Variants in TRAF4 observed in about 807,000 individuals in gnomAD.
The protein encoded by TRAF4 is TNF receptor associated factor 4.
Under a neutral mutation model 47.3 loss-of-function variants are expected in TRAF4, and 9 were observed. The ratio of observed to expected loss-of-function variants is 0.19; its 90% CI spans 0.11 to 0.33. The LOEUF is 0.33. Ranked by LOEUF, TRAF4 falls within the 10% of genes least tolerant of loss-of-function variation. TRAF4 has a pLI of 1.00. For missense variants in TRAF4, 448 were observed against 620.3 expected, an observed-to-expected ratio of 0.72 and a Z score of 2.95; for synonymous variants, 236 against 236.9, an observed-to-expected ratio of 1.00 and a Z score of 0.04.
chr17:28,744,974 T>C (rs1174887671), intron 1 of TRAF4: 1 of 152,348 alleles, frequency 6.6e-6, no homozygotes, highest in African/African-American at 2.4e-5. Context: ...CCTTGGCTCT[T>C]GGGCATCCAT....
chr17:28,748,559 T>C lies in TRAF4; in HGVS notation c.673T>C (p.Cys225Arg). 1.9e-6 allele frequency: 3 copies of C among 1,613,522 alleles called. No individual in the cohort carries two copies. Among genetic ancestry groups the C allele is most frequent in the Non-Finnish European group, 2.5e-6 (3 of 1,179,950 alleles). The stretch of plus-strand genomic sequence containing the variant: ...GCTGCCTGTTGCCTGCCCCAACCAA[T>C]GTGGTGTGGGCACTGTGGCTCGGGA... The part of the protein sequence containing the change: ...PRLPVACPNQ[C>R]GVGTVAREDL... Residue 225 changes from cysteine to arginine, a missense_variant, in exon 6 of 7, where the codon TGT becomes CGT. By Grantham distance (180) the Cys-to-Arg change is radical. Coordinates refer to ENST00000262395, the MANE Select transcript of TRAF4 (RefSeq NM_004295.4).
At position 28,747,596 on chromosome 17, in the gene TRAF4, A is replaced by G. The variant is rs551710746; in HGVS notation, c.196-247A>G. 5.3e-5 allele frequency: 31 copies of G among 585,586 alleles called. No homozygotes were observed. In the East Asian group the frequency reaches 7.3e-4, roughly 14 times the overall value. 36.3% of individuals were successfully genotyped at this position (585,586 alleles called of 1,614,324 possible). ...GGAAAGGAAGCAGAGCCCCAGGGAC[A>G]GCCTGGGATTGAGCAGGCTGATTGG... On this transcript the variant is annotated intron_variant, in intron 2 of 6. Coordinates refer to ENST00000262395, the MANE Select transcript of TRAF4 (RefSeq NM_004295.4).
chr17:28,744,359 G>C (rs1261832981), intron 1 of TRAF4, 104 bp downstream of exon 1: 1 of 1,339,810 alleles, frequency 7.5e-7, no homozygotes, highest in African/African-American at 1.5e-5. Context: ...TCTGCGCTGC[G>C]ACCCTGTGAC....
chr17:28,744,718 A>T (rs2034481651), intron 1 of TRAF4: 1 of 166,518 alleles, frequency 6.0e-6, no homozygotes, highest in Non-Finnish European at 1.3e-5. Context: ...AACGAGATTC[A>T]AAGAAAGGCT....
intron 1 of TRAF4, among the ~76,000 whole-genome samples, chr17:28,746,046 T>C (rs2151737317): frequency 6.6e-6 from 1 of 152,360 alleles, no homozygotes; most frequent in East Asian, 1.9e-4. Context: ...GTCCTTGGCA[T>C]TGAAGCATGG....
chr17:28,748,895 C>G, intron 6 of TRAF4, 50 bp from the exon 7 acceptor site: 1 of 1,563,108 alleles, frequency 6.4e-7, no homozygotes, highest in Non-Finnish European at 8.6e-7. Context: ...GGACCTCCCC[C>G]TACTGATAAC....
Position 28,744,040 on chromosome 17 carries a change from G to T in TRAF4, c.-73G>T. ...GGCGCCGCCCGGAGCCGGGAGCGCC[G>T]CTCCAGCGAGGCGCGGGCTGTGGGG... On this transcript the variant is annotated 5_prime_UTR_variant, in exon 1 of 7. Transcript: ENST00000262395. 1 of 1,068,938 alleles carries T rather than the reference G, an allele frequency of 9.4e-7. No homozygotes were observed. Among genetic ancestry groups the T allele is most frequent in the East Asian group, 7.0e-5 (1 of 14,376 alleles). 66.2% of individuals were successfully genotyped at this position (1,068,938 alleles called of 1,614,324 possible).
At chr17:28,747,349 C>A in intron 2 of TRAF4, 85 bp downstream of exon 2, 3 of 1,495,258 alleles carry the variant, frequency 2.0e-6, no homozygotes, top group Non-Finnish European at 2.7e-6. Flanking sequence ...GGGCTCAGGG[C>A]CAGTGTCAAC....
rs763930151 is a variant in TRAF4, at chr17:28,748,639, A to T, written c.753A>T (p.Pro251=). Residue 251 remains proline, a synonymous_variant, in exon 6 of 7, where the codon CCA becomes CCT. Transcript: ENST00000262395. ...GTAACACCGCCCTGGTGCTCTGCCCATTCAAAGACTCCGGCTGCAAGCACA... is the reference window on the plus strand; with the variant it reads ...GTAACACCGCCCTGGTGCTCTGCCCTTTCAAAGACTCCGGCTGCAAGCACA... ...DSCNTALVLC[P]FKDSGCKHRC... 1 of 1,612,434 alleles carries T rather than the reference A, an allele frequency of 6.2e-7. No individual in the cohort carries two copies. Among genetic ancestry groups the T allele is most frequent in the East Asian group, 2.2e-5 (1 of 44,882 alleles).
chr17:28,748,123 A>G lies in TRAF4; in HGVS notation c.407A>G (p.Lys136Arg). 6.2e-7 allele frequency: 1 copy of G among 1,614,028 alleles called. No individual in the cohort carries two copies. Among genetic ancestry groups the G allele is most frequent in the Non-Finnish European group, 8.5e-7 (1 of 1,180,032 alleles). Residue 136 changes from lysine (K) to arginine (R), a missense_variant, in exon 4 of 7, where the codon AAG becomes AGG. By Grantham distance (26) the Lys-to-Arg change is conservative (BLOSUM62 2). Transcript: ENST00000262395. ...GCACACTTGCAGCATGACTGCCCCA[A>G]GCGGCGCCTCAAGTGCGAGTTTTGT... ...LPAHLQHDCP[K>R]RRLKCEFCGC...
chr17:28,748,735 T>A, intron 6 of TRAF4, 69 bp downstream of exon 6: 5 of 1,578,552 alleles, frequency 3.2e-6, no homozygotes, highest in Non-Finnish European at 4.3e-6. Context: ...CAGCTTCTGA[T>A]GTACTTAGGC....
Position 28,749,030 on chromosome 17 carries a change from G to GGCAGGAGCT in TRAF4, c.876_884dup (p.Gln293_Leu295dup), listed in dbSNP as rs1484309139. On this transcript the variant is annotated inframe_insertion, in exon 7 of 7. Transcript: ENST00000262395. Reference sequence around the variant, plus strand: ...ATGTGTGCCCTGGTGAGCCGGCAACGGCAGGAGCTGCAGGAGCTTCGGCGA... The same window carrying GGCAGGAGCT: ...ATGTGTGCCCTGGTGAGCCGGCAACGGCAGGAGCTGCAGGAGCTGCAGGAGCTTCGGCGA... 2.5e-6 allele frequency: 4 copies of GGCAGGAGCT among 1,613,898 alleles called. No individual in the cohort carries two copies. Among genetic ancestry groups the GGCAGGAGCT allele is most frequent in the Non-Finnish European group, 3.4e-6 (4 of 1,180,054 alleles).
Position 28,744,201 on chromosome 17 carries a change from A to G in TRAF4, c.89A>G (p.Gln30Arg), listed in dbSNP as rs1363599536. ...LCGKPMREPV[Q>R]VSTCGHRFCD... ...GGGAAGCCCATGCGCGAGCCTGTGCAGGTTTCCACCTGCGGCCACCGTTTC... is the reference window on the plus strand; with the variant it reads ...GGGAAGCCCATGCGCGAGCCTGTGCGGGTTTCCACCTGCGGCCACCGTTTC... The change falls in exon 1 of 7, where the codon CAG (glutamine) becomes CGG (arginine). Residue 30 changes from glutamine (Q) to arginine (R), a missense_variant. By Grantham distance (43) the Gln-to-Arg change is conservative. Transcript: ENST00000262395. 2 of 1,570,682 alleles carry G rather than the reference A, an allele frequency of 1.3e-6. No individual in the cohort carries two copies. The highest frequency in any genetic ancestry group is 3.4e-5 in the Admixed American group (2 of 58,688).
intron 1 of TRAF4, chr17:28,745,229 C>G (rs1342863774): frequency 6.6e-6 from 1 of 152,570 alleles, no homozygotes; most frequent in South Asian, 2.1e-4. Context: ...CTCCCTCCCT[C>G]GCTCGGTCCT....
In TRAF4 at chr17:28,749,703, C is replaced by G; in HGVS notation, c.*126C>G. ...TGCCTAGGTTCTGTTACCCCATCCT[C>G]CCTCCCCCAGCCACCACCCTCAGGT... On this transcript the variant is annotated 3_prime_UTR_variant, in exon 7 of 7. Coordinates refer to ENST00000262395, the MANE Select transcript of TRAF4 (RefSeq NM_004295.4). 2 of 1,479,394 alleles carry G rather than the reference C, an allele frequency of 1.4e-6. No homozygotes were observed. The highest frequency in any genetic ancestry group is 1.8e-6 in the Non-Finnish European group (2 of 1,093,362). The allele number at this position is 1,479,394 out of a possible 1,614,324, so 91.6% of individuals were successfully genotyped here. A position where few individuals can be genotyped will look rare whatever the true frequency, so the allele number is the denominator to read the frequency against.
In TRAF4 at chr17:28,748,361, T is replaced by C. The variant is rs1277501364; in HGVS notation, c.562T>C (p.Cys188Arg). 6.2e-7 allele frequency: 1 copy of C among 1,613,556 alleles called. No individual in the cohort carries two copies. The highest frequency in any genetic ancestry group is 8.5e-7 in the Non-Finnish European group (1 of 1,179,918). The change falls in exon 5 of 7, where the codon TGC (cysteine) becomes CGC (arginine). Residue 188 changes from cysteine to arginine, a missense_variant. By Grantham distance (180) the Cys-to-Arg change is radical (BLOSUM62 -3). Transcript: ENST00000262395. ...RLLAQHATSE[C>R]PKRTQPCTYC... ...GCTGGCCCAGCATGCCACCTCTGAG[T>C]GCCCCAAGCGCACTCAGCCCTGCAC... is the stretch of plus-strand genomic sequence containing the variant.
At chr17:28,747,350 C>A in intron 2 of TRAF4, 86 bp downstream of exon 2, 2 of 1,496,534 alleles carry the variant, frequency 1.3e-6, no homozygotes, top group South Asian at 1.2e-5. Flanking sequence ...GGCTCAGGGC[C>A]AGTGTCAACC....
intron 1 of TRAF4, 98 bp downstream of exon 1, chr17:28,744,353 C>A: frequency 7.2e-7 from 1 of 1,388,928 alleles, no homozygotes; most frequent in South Asian, 1.3e-5. Context: ...CCTTTGTCTG[C>A]GCTGCGACCC....
In TRAF4 at chr17:28,748,971, T is replaced by C; in HGVS notation, c.807T>C (p.His269=). 3 of 1,612,568 alleles carry C rather than the reference T, an allele frequency of 1.9e-6. No individual in the cohort carries two copies. Among genetic ancestry groups the C allele is most frequent in the Non-Finnish European group, 2.5e-6 (3 of 1,179,516 alleles). Residue 269 remains histidine, a synonymous_variant, in exon 7 of 7, where the codon CAT becomes CAC. Coordinates refer to ENST00000262395, the MANE Select transcript of TRAF4 (RefSeq NM_004295.4). ...GCCCTAAGCTGGCAATGGCACGGCA[T>C]GTGGAGGAGAGTGTGAAGCCACATC... ...HRCPKLAMAR[H]VEESVKPHLA...
Sources: gnomAD v4.1 joint callset for allele counts (sites outside exome capture counted in the v4.1 genomes callset) on GRCh38, gnomAD v4.1.1 for gene constraint, MANE v1.5 for transcripts, NCBI Gene and HGNC (gene_info 2026-07-23, HGNC 2026-07-21) for gene names.